ABCB10: variants seen among roughly 807,000 people sequenced by gnomAD.
ABCB10 encodes ATP binding cassette subfamily B member 10.
In ABCB10, 54 loss-of-function variants were observed where a neutral mutation model predicts 65.4. The ratio of observed to expected loss-of-function variants is 0.83; its 90% CI spans 0.66 to 1.04. The LOEUF (loss-of-function observed/expected upper bound fraction) is 1.04, where lower values mean the gene tolerates loss of function less well. ABCB10 is among the 50% of genes least tolerant of loss of function. The pLI is 0.00. For missense variants in ABCB10, 846 were observed against 976.6 expected, an observed-to-expected ratio of 0.87 and a Z score of 1.78; for synonymous variants, 418 against 406.5, an observed-to-expected ratio of 1.03 and a Z score of -0.34.
At chr1:229,520,687 T>C (rs1323395114) in intron 11 of ABCB10, among the ~76,000 whole-genome samples, 3 of 152,010 alleles carry the variant, frequency 2.0e-5, no homozygotes, top group African/African-American at 7.2e-5. Context: ...GATCAACAAA[T>C]AGGGATCCAT....
intron 4 of ABCB10, 145 bp from the exon 5 acceptor site, chr1:229,540,897 C>A: frequency 3.2e-6 from 3 of 935,048 alleles, no homozygotes; most frequent in Non-Finnish European, 4.6e-6. Flanking sequence ...GAGAACTCCA[C>A]AAAAGACACT....
chr1:229,538,870 A>G (rs1662778640), intron 6 of ABCB10, among the ~76,000 whole-genome samples: 1 of 152,158 alleles, frequency 6.6e-6, no homozygotes, highest in Non-Finnish European at 1.5e-5. Flanking sequence ...CCAGGAAATC[A>G]TTTGTCCCAA....
chr1:229,543,608 C>A (rs1384812249), intron 3 of ABCB10, among the ~76,000 whole-genome samples: 1 of 152,190 alleles, frequency 6.6e-6, no homozygotes, highest in African/African-American at 2.4e-5. Context: ...TGGGAGATAA[C>A]CAACCCTCAC....
intron 10 of ABCB10, among the ~76,000 whole-genome samples, chr1:229,522,388 T>G (rs1035124353): frequency 6.6e-6 from 1 of 152,066 alleles, no homozygotes; most frequent in African/African-American, 2.4e-5. Flanking sequence ...TAAAATTTTT[T>G]GGAGACATGG....
chr1:229,542,901 C>T (rs1325911393), intron 3 of ABCB10, among the ~76,000 whole-genome samples: 2 of 151,944 alleles, frequency 1.3e-5, no homozygotes, highest in African/African-American at 4.8e-5. Context: ...GAGGCCGAGG[C>T]GGGCAGATCA....
At chr1:229,519,147 G>A (rs1662243959) in intron 11 of ABCB10, 2 of 314,044 alleles carry the variant, frequency 6.4e-6, no homozygotes, top group Non-Finnish European at 1.2e-5. Flanking sequence ...GGCTGCTAAA[G>A]AGTAGAGGGT....
rs1001432886 is a variant in ABCB10, at chr1:229,517,681, C to T, written c.*498G>A. On this transcript the variant is annotated 3_prime_UTR_variant, in exon 13 of 13. Transcript: ENST00000344517. ...AGCTGATGTTAAATAGTTAGGTTTG[C>T]TTCATGAGATTATCGGAATAAAGGG... is the stretch of plus-strand genomic sequence containing the variant. 1.3e-5 allele frequency: 2 copies of T among 154,508 alleles called. No homozygotes were observed. The highest frequency in any genetic ancestry group is 4.8e-5 in the African/African-American group (2 of 41,458). The allele number at this position is 154,508 out of a possible 1,614,324, so 9.6% of individuals were successfully genotyped here. A position where few individuals can be genotyped will look rare whatever the true frequency, so the allele number is the denominator to read the frequency against.
rs1190081816 is a variant in ABCB10, at chr1:229,525,973, G to A, written c.1869C>T (p.Phe623=). 2.5e-6 allele frequency: 4 copies of A among 1,614,054 alleles called. No homozygotes were observed. The highest frequency in any genetic ancestry group is 3.4e-6 in the Non-Finnish European group (4 of 1,180,040). The change falls in exon 10 of 13, where the codon TTC becomes TTT. Residue 623 remains phenylalanine (F), a synonymous_variant. Coordinates refer to ENST00000344517, the MANE Select transcript of ABCB10 (RefSeq NM_012089.3). ...VAFIRNFPQG[F]NTVVGEKGVL... ...CACCCTTTTCTCCAACCACAGTGTT[G>A]AACCCTTGGGGGAAATTCCGGATGA... is the stretch of plus-strand genomic sequence containing the variant.
rs1663318006 is a variant in ABCB10, at chr1:229,558,416, G to A, written c.237C>T (p.Ala79=). Residue 79 remains alanine, a synonymous_variant, in exon 1 of 13, where the codon GCC becomes GCT. Coordinates refer to ENST00000344517, the MANE Select transcript of ABCB10 (RefSeq NM_012089.3). The part of the protein sequence containing the change: ...RSGCRGGGPG[A]SRGVLGLARL... ...GCGCGAGGCCCAGGACGCCCCGCGA[G>A]GCGCCCGGACCCCCGCCCCGGCAGC... The A allele has an allele frequency of 5.8e-6, 7 of 1,204,622 alleles. No homozygotes were observed. The highest frequency in any genetic ancestry group is 7.2e-6 in the Non-Finnish European group (7 of 972,598). The allele number at this position is 1,204,622 out of a possible 1,614,324, so 74.6% of individuals were successfully genotyped here.
In ABCB10 at chr1:229,521,666, C is replaced by A. The variant is rs758811279; in HGVS notation, c.1907-31G>T. On this transcript the variant is annotated intron_variant, in intron 10 of 12. Transcript: ENST00000344517. The stretch of plus-strand genomic sequence containing the variant: ...AAAGACAACATTTAAAAAAAGAAGG[C>A]CTCAACAAAAAATCTTAGTAATAGG... The A allele has an allele frequency of 6.8e-6, 11 of 1,608,800 alleles. No homozygotes were observed. In the South Asian group the frequency reaches 1.2e-4, roughly 18 times the overall value.
chr1:229,521,467 C>G, intron 11 of ABCB10, 125 bp downstream of exon 11: 1 of 1,154,378 alleles, frequency 8.7e-7, no homozygotes, highest in South Asian at 1.5e-5. Flanking sequence ...CACCCTCCCA[C>G]TCCAAGAAAA....
chr1:229,553,721 C>T (rs73099834), intron 1 of ABCB10, among the ~76,000 whole-genome samples: 5,773 of 151,056 alleles, frequency 0.038, 298 homozygotes, highest in African/African-American at 0.12. Flanking sequence ...GGAACCCTGA[C>T]GAACTCAACC....
At chr1:229,519,139 CT>C in intron 11 of ABCB10, 1 of 330,124 alleles carries the variant, frequency 3.0e-6, no homozygotes, top group Non-Finnish European at 5.5e-6. Flanking sequence ...AGTTGCATGG[CT>C]GCTAAAGAGT....
chr1:229,554,206 G>C (rs987208297), intron 1 of ABCB10, among the ~76,000 whole-genome samples: 1 of 152,188 alleles, frequency 6.6e-6, no homozygotes, highest in African/African-American at 2.4e-5. Context: ...GCTGAGTGAA[G>C]AGACTCGGCA....
chr1:229,536,334 T>C (rs938242830), intron 6 of ABCB10, among the ~76,000 whole-genome samples: 6 of 151,162 alleles, frequency 4.0e-5, no homozygotes, highest in Non-Finnish European at 4.4e-5. Context: ...AGCAAGACCC[T>C]GTCTCTCCAA....
chr1:229,528,722 C>T (rs1335044903), intron 8 of ABCB10, among the ~76,000 whole-genome samples: 3 of 151,656 alleles, frequency 2.0e-5, no homozygotes, highest in African/African-American at 7.3e-5. Context: ...GTGACAGGGT[C>T]TCACTATGTT....
chr1:229,530,291 G>A lies in ABCB10; in HGVS notation c.1553C>T (p.Pro518Leu), dbSNP rs781345671. 9.9e-6 allele frequency: 16 copies of A among 1,614,122 alleles called. No homozygotes were observed. The highest frequency in any genetic ancestry group is 4.4e-5 in the South Asian group (4 of 91,084). ...PIFQDFSLSI[P>L]SGSVTALVGP... ...AACCAGTGCCGTGACAGATCCTGACGGAATGGAAAGGCTGAAATCCTGAAA... is the reference window on the plus strand; with the variant it reads ...AACCAGTGCCGTGACAGATCCTGACAGAATGGAAAGGCTGAAATCCTGAAA... Residue 518 changes from proline (P) to leucine (L), a missense_variant, in exon 8 of 13, where the codon CCG becomes CTG. By Grantham distance (98) the Pro-to-Leu change is moderately conservative (BLOSUM62 -3). Transcript: ENST00000344517.
At chr1:229,547,877 G>C (rs1226874305) in intron 2 of ABCB10, among the ~76,000 whole-genome samples, 176 bp from the exon 3 acceptor site, 1 of 152,094 alleles carries the variant, frequency 6.6e-6, no homozygotes, top group African/African-American at 2.4e-5. Context: ...TCCCAAACCA[G>C]GCACATTAAC....
At chr1:229,537,228 T>G (rs1422067866) in intron 6 of ABCB10, among the ~76,000 whole-genome samples, 1 of 152,202 alleles carries the variant, frequency 6.6e-6, no homozygotes, top group Admixed American at 6.5e-5. Context: ...GAGGTAGTGG[T>G]TGCACAGCAT....
Sources: gnomAD v4.1 joint callset for allele counts (sites outside exome capture counted in the v4.1 genomes callset) on GRCh38, gnomAD v4.1.1 for gene constraint, MANE v1.5 for transcripts, NCBI Gene and HGNC (gene_info 2026-07-23, HGNC 2026-07-21) for gene names.